B4GALT4: variants seen among roughly 807,000 people sequenced by gnomAD.
The protein encoded by B4GALT4 is beta-1,4-galactosyltransferase 4.
In B4GALT4, 27 loss-of-function variants were observed where a neutral mutation model predicts 37.3. The ratio of observed to expected loss-of-function variants is 0.72; its 90% confidence interval spans 0.53 to 1.00. The LOEUF (loss-of-function observed/expected upper bound fraction) is 1.00, where lower values mean the gene tolerates loss of function less well. Among genes scored for constraint, B4GALT4 ranks in the 50% least tolerant of loss-of-function variants. B4GALT4 has a pLI of 0.00. For synonymous variants in B4GALT4, 148 were observed against 154.1 expected (o/e 0.96, Z 0.29); for missense variants, 372 against 413.1 (o/e 0.90, Z 0.86).
intron 6 of B4GALT4, among the ~76,000 whole-genome samples, chr3:119,218,106 C>A (rs1464163974): frequency 1.3e-5 from 2 of 152,096 alleles, no homozygotes; most frequent in African/African-American, 4.8e-5. Flanking sequence ...CCAAGAGAAC[C>A]CAGGGTAATG....
At chr3:119,236,146 C>T (rs962521301) in intron 2 of B4GALT4, 4 of 152,118 alleles carry the variant, frequency 2.6e-5, no homozygotes, top group Admixed American at 1.3e-4. Flanking sequence ...GAAATCCAAT[C>T]GCTCACCACA....
chr3:119,227,162 G>T, intron 3 of B4GALT4, 121 bp from the exon 4 acceptor site: 1 of 799,882 alleles, frequency 1.3e-6, no homozygotes, highest in Non-Finnish European at 2.0e-6. Context: ...ACAAATGTCA[G>T]CTTTTATTAT....
Position 119,216,315 on chromosome 3 carries a change from C to A in B4GALT4, c.827G>T (p.Arg276Leu). 1 of 1,613,330 alleles carries A rather than the reference C, an allele frequency of 6.2e-7. No homozygotes were observed. The highest frequency in any genetic ancestry group is 8.5e-7 in the Non-Finnish European group (1 of 1,179,716). Residue 276 changes from arginine to leucine, a missense_variant, in exon 7 of 8, where the codon CGG (arginine) becomes CTG (leucine). Arg to Leu is a moderately radical substitution (Grantham distance 102, BLOSUM62 -2). Coordinates refer to ENST00000393765, the MANE Select transcript of B4GALT4 (RefSeq NM_003778.4). ...RVELQRMKIS[R>L]PLPEVGKYTM... ...ATATTTACCCACTTCAGGCAGGGGC[C>A]GGGAAATTTTCATTCTTTGGAGCTC...
intron 5 of B4GALT4, among the ~76,000 whole-genome samples, chr3:119,219,447 A>G (rs972015721): frequency 6.6e-6 from 1 of 152,274 alleles, no homozygotes; most frequent in Non-Finnish European, 1.5e-5. Flanking sequence ...ACAGTGAATC[A>G]TGCTTTAGAT....
At chr3:119,225,111 T>C (rs1480200080) in intron 4 of B4GALT4, among the ~76,000 whole-genome samples, 1 of 152,250 alleles carries the variant, frequency 6.6e-6, no homozygotes, top group Non-Finnish European at 1.5e-5. Flanking sequence ...CAGAAATCCC[T>C]GTAAGAGAAT....
chr3:119,238,648 C>T (rs1345625933), intron 1 of B4GALT4, among the ~76,000 whole-genome samples: 1 of 152,044 alleles, frequency 6.6e-6, no homozygotes, highest in Non-Finnish European at 1.5e-5. Context: ...CTGTGCCTAA[C>T]TTATAAGTTA....
chr3:119,212,790 T>G, intron 7 of B4GALT4, 109 bp from the exon 8 acceptor site: 1 of 1,077,454 alleles, frequency 9.3e-7, no homozygotes, highest in South Asian at 1.8e-5. Flanking sequence ...TTATTGTACC[T>G]GTTGTGTTTC....
intron 2 of B4GALT4, among the ~76,000 whole-genome samples, chr3:119,231,807 A>ATT (rs60446262): frequency 0.041 from 4,839 of 119,250 alleles, 261 homozygotes; most frequent in African/African-American, 0.12. Flanking sequence ...AATATAAAAT[A>ATT]ATATATTTTA....
intron 6 of B4GALT4, among the ~76,000 whole-genome samples, chr3:119,217,228 G>A (rs535985717): frequency 1.3e-5 from 2 of 152,336 alleles, no homozygotes; most frequent in South Asian, 2.1e-4. Context: ...TACATTTAGG[G>A]AAGATAATGG....
At chr3:119,238,345 A>G (rs944561921) in intron 1 of B4GALT4, among the ~76,000 whole-genome samples, 10 of 152,024 alleles carry the variant, frequency 6.6e-5, no homozygotes, top group African/African-American at 1.9e-4. Context: ...TTACATACAA[A>G]ATGATAGTCA....
chr3:119,224,398 G>A (rs1233223873), intron 4 of B4GALT4, among the ~76,000 whole-genome samples, 153 bp from the exon 5 acceptor site: 1 of 152,184 alleles, frequency 6.6e-6, no homozygotes, highest in Admixed American at 6.5e-5. Context: ...AAGATGCAAT[G>A]ACAATAAAAG....
At chr3:119,218,605 A>T in intron 6 of B4GALT4, 45 bp downstream of exon 6, 1 of 1,612,666 alleles carries the variant, frequency 6.2e-7, no homozygotes, top group Non-Finnish European at 8.5e-7. Context: ...CCAGAGCCAC[A>T]CTGAGTGCAG....
chr3:119,230,894 G>A (rs1420413574), intron 2 of B4GALT4, among the ~76,000 whole-genome samples: 2 of 152,202 alleles, frequency 1.3e-5, no homozygotes, highest in African/African-American at 2.4e-5. Flanking sequence ...TTTAAGATCA[G>A]GAGTTTGGAC....
chr3:119,229,004 T>C (rs1350517453), intron 3 of B4GALT4, among the ~76,000 whole-genome samples: 1 of 152,204 alleles, frequency 6.6e-6, no homozygotes, highest in Admixed American at 6.5e-5. Context: ...TAATTTACTG[T>C]TTAACATAAG....
Position 119,226,987 on chromosome 3 carries a change from G to A in B4GALT4, c.308C>T (p.Ala103Val), listed in dbSNP as rs1189292931. 3 of 1,614,142 alleles carry A rather than the reference G, an allele frequency of 1.9e-6. No individual in the cohort carries two copies. Among genetic ancestry groups the A allele is most frequent in the Admixed American group, 1.7e-5 (1 of 60,022 alleles). Residue 103 changes from alanine to valine, a missense_variant, in exon 4 of 8, where the codon GCA becomes GTA. By Grantham distance (64) the Ala-to-Val change is moderately conservative. Coordinates refer to ENST00000393765, the MANE Select transcript of B4GALT4 (RefSeq NM_003778.4). ...KPDLTLEEVQAENPKVSRGRY... is the reference protein window; with the variant it reads ...KPDLTLEEVQVENPKVSRGRY... ...GCCTCTGGACACTTTGGGATTTTCT[G>A]CCTGTACCTCTTCCAAAGTGAGATC...
At chr3:119,218,539 GCA>G in intron 6 of B4GALT4, 109 bp downstream of exon 6, 1 of 1,476,796 alleles carries the variant, frequency 6.8e-7, no homozygotes, top group Non-Finnish European at 9.2e-7. Context: ...GCCCAAATCT[GCA>G]GCCTAGTGAC....
At chr3:119,222,031 C>T (rs2078465226) in intron 5 of B4GALT4, among the ~76,000 whole-genome samples, 1 of 152,184 alleles carries the variant, frequency 6.6e-6, no homozygotes. Context: ...GCTCAGCCTT[C>T]TTATGGTTCA....
At chr3:119,226,660 A>T in intron 4 of B4GALT4, 149 bp downstream of exon 4, 1 of 691,858 alleles carries the variant, frequency 1.4e-6, no homozygotes, top group Non-Finnish European at 2.4e-6. Context: ...AATTTCCTCT[A>T]CTCCTTTCAA....
chr3:119,212,484 T>C lies in B4GALT4; in HGVS notation c.*65A>G, dbSNP rs113574391. ...TCTTAATGTGTGCTACTATTTGAAG[T>C]CTCTAGGCCAAAATTATTGCAAACA... On this transcript the variant is annotated 3_prime_UTR_variant, in exon 8 of 8. Transcript: ENST00000393765. 4.7e-6 allele frequency: 7 copies of C among 1,496,762 alleles called. No homozygotes were observed. In the Middle Eastern group the frequency reaches 5.4e-4, roughly 115 times the overall value. The allele number at this position is 1,496,762 out of a possible 1,614,324, so 92.7% of individuals were successfully genotyped here. A position where few individuals can be genotyped will look rare whatever the true frequency, so the allele number is the denominator to read the frequency against.
Sources: allele counts gnomAD v4.1 joint callset (sites outside exome capture counted in the v4.1 genomes callset), GRCh38; gene constraint gnomAD v4.1.1; transcripts MANE v1.5; gene names NCBI Gene and HGNC (gene_info 2026-07-23, HGNC 2026-07-21).